The following GLT6D1 variants were observed in gnomAD, a reference collection of about 807,000 sequenced individuals.
The protein encoded by GLT6D1 is putative glycosyltransferase 6 domain-containing protein 1.
GLT6D1 carries 9 observed loss-of-function variants against 12.3 expected under a neutral mutation model. The ratio of observed to expected loss-of-function variants is 0.73; its 90% CI spans 0.44 to 1.27. The LOEUF (loss-of-function observed/expected upper bound fraction) is 1.27. GLT6D1 is among the 50% of genes most tolerant of loss of function. The probability of loss-of-function intolerance (pLI) is 0.00; values close to 1 mark genes in which losing one functional copy is unlikely to be tolerated. For synonymous variants in GLT6D1, 128 were observed against 132.3 expected (o/e 0.97, Z 0.23); for missense variants, 335 against 346.2 (o/e 0.97, Z 0.26).
chr9:135,640,675 G>A (rs1301327639), upstream of GLT6D1, among the ~76,000 whole-genome samples: 6 of 151,312 alleles, frequency 4.0e-5, no homozygotes, highest in South Asian at 2.1e-4. Flanking sequence ...AGCCAAGATC[G>A]CACCACTGCA....
Position 135,624,338 on chromosome 9 carries a change from C to T in GLT6D1, c.590G>A (p.Trp197Ter). 1.2e-6 allele frequency: 2 copies of T among 1,612,420 alleles called. No individual in the cohort carries two copies. Among genetic ancestry groups the T allele is most frequent in the Non-Finnish European group, 1.7e-6 (2 of 1,179,020 alleles). The change falls in exon 5 of 5, where the codon TGG (tryptophan) becomes TAG (stop). Residue 197 changes from tryptophan to a stop codon, truncating the protein, a stop_gained. Transcript: ENST00000371763. LOFTEE classifies it low-confidence loss of function (END_TRUNC). The part of the protein sequence containing the change: ...LGPLVAQLHA[W>*]WYFRNTKNFP... ...GTTCTTGGTGTTTCTGAAATACCAC[C>T]AGGCGTGGAGCTGGGCCACCAACGG...
chr9:135,629,796 T>C (rs1833596518), intron 3 of GLT6D1, among the ~76,000 whole-genome samples: 2 of 152,220 alleles, frequency 1.3e-5, no homozygotes, highest in Non-Finnish European at 2.9e-5. Flanking sequence ...ATATATTTGA[T>C]GTATCTTATT....
chr9:135,630,219 T>C lies in GLT6D1; in HGVS notation c.119+1212A>G, dbSNP rs961965145. On this transcript the variant is annotated intron_variant, in intron 3 of 4. Coordinates refer to ENST00000371763, the MANE Select transcript of GLT6D1 (RefSeq NM_182974.3). The stretch of plus-strand genomic sequence containing the variant: ...AGGAGATCGAGACCATCCTGGCTAA[T>C]ACGGTGAAACCCTGTCTCTACTAAA... Among the ~76,000 whole-genome samples the C allele has an allele frequency of 2.6e-5, 4 of 151,832 alleles. No individual in the cohort carries two copies. In the South Asian group the frequency reaches 6.2e-4, roughly 24 times the overall value.
intron 2 of GLT6D1, among the ~76,000 whole-genome samples, chr9:135,633,931 C>T (rs1221763335): frequency 6.6e-6 from 1 of 152,146 alleles, no homozygotes; most frequent in Non-Finnish European, 1.5e-5. Context: ...GCTGTGGTTC[C>T]GGGGTAGATG....
intron 2 of GLT6D1, among the ~76,000 whole-genome samples, chr9:135,635,104 C>T (rs544490039): frequency 6.6e-5 from 10 of 152,300 alleles, no homozygotes; most frequent in Non-Finnish European, 1.3e-4. Flanking sequence ...AACATCCAGC[C>T]AACCTGTCTT....
intron 2 of GLT6D1, among the ~76,000 whole-genome samples, chr9:135,638,542 T>C (rs1211633305): frequency 6.6e-6 from 1 of 152,220 alleles, no homozygotes; most frequent in Non-Finnish European, 1.5e-5. Flanking sequence ...TTTATTATGC[T>C]TGTTTTATAA....
chr9:135,640,304 G>A (rs193127410), upstream of GLT6D1, among the ~76,000 whole-genome samples: 19 of 152,238 alleles, frequency 1.2e-4, no homozygotes, highest in East Asian at 2.7e-3. Context: ...CAGGTGAAAC[G>A]GTAACAGTCT....
intron 2 of GLT6D1, among the ~76,000 whole-genome samples, chr9:135,636,948 G>A (rs919018345): frequency 1.1e-4 from 16 of 152,044 alleles, no homozygotes; most frequent in African/African-American, 3.9e-4. Flanking sequence ...TGCCTCCCAG[G>A]TTCAAGTGAT....
At chr9:135,634,442 C>CTTTTTTTTTTTTTTTTTTTTTTTTTTCTT (rs370291630) in intron 2 of GLT6D1, among the ~76,000 whole-genome samples, 1 of 54,858 alleles carries the variant, frequency 1.8e-5, no homozygotes, top group East Asian at 5.9e-4. Flanking sequence ...TTTTCCTTTC[C>CTTTTTTTTTTTTTTTTTTTTTTTTTTCTT]TTTTTTTTTT....
Position 135,631,484 on chromosome 9 carries a change from T to C in GLT6D1, c.72-6A>G. ...GTTCTTCTACTTGGTGATTCCTGGA[T>C]ACAAAGAGAAAATCAAGTGATTGCA... is the stretch of plus-strand genomic sequence containing the variant. On this transcript the variant is annotated splice_polypyrimidine_tract_variant and splice_region_variant and intron_variant, in intron 2 of 4. Coordinates refer to ENST00000371763, the MANE Select transcript of GLT6D1 (RefSeq NM_182974.3). 1 of 1,605,636 alleles carries C rather than the reference T, an allele frequency of 6.2e-7. No individual in the cohort carries two copies.
At chr9:135,627,089 G>A (rs545789335) in intron 3 of GLT6D1, among the ~76,000 whole-genome samples, 12 of 152,136 alleles carry the variant, frequency 7.9e-5, no homozygotes, top group South Asian at 2.1e-4. Flanking sequence ...AATGAGGAAC[G>A]TGGCAGTACC....
At chr9:135,630,419 A>G (rs972333173) in intron 3 of GLT6D1, among the ~76,000 whole-genome samples, 15 of 151,764 alleles carry the variant, frequency 9.9e-5, no homozygotes, top group African/African-American at 3.1e-4. Context: ...AAAAAAAAAA[A>G]AAGAAGACTA....
rs1564273085 is a variant in GLT6D1 at position 135,626,163 on chromosome 9, C to CGG, written c.162_163insCC (p.Val55ProfsTer39). ...CTGTCGAAAGTCCCTTCCCATAGGA[C>CGG]AGGAGCGAGCCAGTCTGTTTTCGTT... On this transcript the variant is annotated frameshift_variant, in exon 4 of 5. Coordinates refer to ENST00000371763, the MANE Select transcript of GLT6D1 (RefSeq NM_182974.3). LOFTEE classifies it high-confidence loss of function. 3.1e-6 allele frequency: 5 copies of CGG among 1,613,118 alleles called. No individual in the cohort carries two copies. Among genetic ancestry groups the CGG allele is most frequent in the Non-Finnish European group, 4.2e-6 (5 of 1,179,592 alleles).
In GLT6D1 at chr9:135,624,353, G is replaced by T; in HGVS notation, c.575C>A (p.Ala192Asp). Reference protein sequence around the residue: ...FGVETLGPLVAQLHAWWYFRN... With the variant: ...FGVETLGPLVDQLHAWWYFRN... Reference sequence around the variant, plus strand: ...GAAATACCACCAGGCGTGGAGCTGGGCCACCAACGGGCCCAGGGTCTCCAC... The same window carrying T: ...GAAATACCACCAGGCGTGGAGCTGGTCCACCAACGGGCCCAGGGTCTCCAC... The change falls in exon 5 of 5, where the codon GCC (alanine) becomes GAC (aspartate). Residue 192 changes from alanine to aspartate, a missense_variant. Transcript: ENST00000371763. The T allele has an allele frequency of 1.2e-6, 2 of 1,613,826 alleles. No individual in the cohort carries two copies. Among genetic ancestry groups the T allele is most frequent in the Non-Finnish European group, 1.7e-6 (2 of 1,179,844 alleles).
In GLT6D1 at chr9:135,623,950, T is replaced by G. The variant is rs1450005648; in HGVS notation, c.*147A>C. ...GGAAGGTCTTAAGACTTCCCTCATT[T>G]ATAAGAAATTGCCGTGATTCATTTA... On this transcript the variant is annotated 3_prime_UTR_variant, in exon 5 of 5. Transcript: ENST00000371763. 2 of 589,600 alleles carry G rather than the reference T, an allele frequency of 3.4e-6. No homozygotes were observed. The highest frequency in any genetic ancestry group is 6.0e-6 in the Non-Finnish European group (2 of 335,274). The allele number at this position is 589,600 out of a possible 1,614,324, so 36.5% of individuals were successfully genotyped here. A position where few individuals can be genotyped will look rare whatever the true frequency, so the allele number is the denominator to read the frequency against.
chr9:135,630,571 T>C (rs565943460), intron 3 of GLT6D1, among the ~76,000 whole-genome samples: 1 of 151,714 alleles, frequency 6.6e-6, no homozygotes, highest in East Asian at 1.9e-4. Context: ...AATACAAAAA[T>C]TAGCCAGGTG....
upstream of GLT6D1, among the ~76,000 whole-genome samples, chr9:135,639,842 C>CT (rs5901082): frequency 0.092 from 11,652 of 126,734 alleles, 601 homozygotes; most frequent in Non-Finnish European, 0.1. Context: ...CTGATTTTCA[C>CT]TTTTTTTTTT....
chr9:135,639,265 G>C (rs928268227), intron 1 of GLT6D1, 28 bp downstream of exon 1: 1 of 839,094 alleles, frequency 1.2e-6, no homozygotes, highest in Non-Finnish European at 1.9e-6. Context: ...TCTAACAATG[G>C]GTTAATGTAT....
intron 3 of GLT6D1, among the ~76,000 whole-genome samples, chr9:135,628,991 C>A (rs1833578083): frequency 6.6e-6 from 1 of 152,004 alleles, no homozygotes; most frequent in South Asian, 2.1e-4. Flanking sequence ...ATTTGTTTAT[C>A]TTTTCAAAAA....
Sources: gnomAD v4.1 joint callset for allele counts (sites outside exome capture counted in the v4.1 genomes callset) on GRCh38, gnomAD v4.1.1 for gene constraint, MANE v1.5 for transcripts, NCBI Gene and HGNC (gene_info 2026-07-23, HGNC 2026-07-21) for gene names.